Variants in SLC25A26 observed in about 807,000 individuals in gnomAD.
The protein encoded by SLC25A26 is mitochondrial S-adenosylmethionine carrier protein.
In SLC25A26, 36 loss-of-function variants were observed where a neutral mutation model predicts 37.8. The observed-to-expected ratio is 0.95, with a 90% CI of 0.73 to 1.26. The LOEUF is 1.26. Among genes scored for constraint, SLC25A26 ranks in the 50% most tolerant of loss-of-function variants. The probability of loss-of-function intolerance (pLI) is 0.00; values close to 1 mark genes in which losing one functional copy is unlikely to be tolerated. For missense variants in SLC25A26, 390 were observed against 331.1 expected, an observed-to-expected ratio of 1.18 and a Z score of -1.38; for synonymous variants, 129 against 122.5, an observed-to-expected ratio of 1.05 and a Z score of -0.35.
At chr3:66,282,755 G>C (rs1019897504) in intron 5 of SLC25A26, among the ~76,000 whole-genome samples, 1 of 152,120 alleles carries the variant, frequency 6.6e-6, no homozygotes, top group Admixed American at 6.5e-5. Flanking sequence ...TGTGAATTCA[G>C]CGTACGTATA....
At chr3:66,148,829 A>G (rs1329032059) in intron 1 of SLC25A26, among the ~76,000 whole-genome samples, 1 of 152,154 alleles carries the variant, frequency 6.6e-6, no homozygotes, top group Non-Finnish European at 1.5e-5. Context: ...AAGTGTTAGG[A>G]TTACAAGCAT....
chr3:66,319,025 C>G (rs969945811), intron 5 of SLC25A26, among the ~76,000 whole-genome samples: 13 of 152,182 alleles, frequency 8.5e-5, no homozygotes, highest in African/African-American at 3.1e-4. Flanking sequence ...CCAACTTTCA[C>G]TTGACACTGA....
intron 1 of SLC25A26, among the ~76,000 whole-genome samples, chr3:66,147,169 T>G (rs1182934221): frequency 7.0e-6 from 1 of 142,466 alleles, no homozygotes; most frequent in African/African-American, 2.6e-5. Context: ...TTCTTTTCTC[T>G]TTTCTTTTTT....
chr3:66,195,778 C>T (rs2071036109), intron 1 of SLC25A26, among the ~76,000 whole-genome samples: 1 of 152,220 alleles, frequency 6.6e-6, no homozygotes, highest in Non-Finnish European at 1.5e-5. Flanking sequence ...ATGCAAAAAG[C>T]ATTGAGAATT....
intron 1 of SLC25A26, among the ~76,000 whole-genome samples, chr3:66,228,480 A>G (rs142302069): frequency 0.052 from 7,948 of 152,274 alleles, 292 homozygotes; most frequent in Admixed American, 0.086. Flanking sequence ...ATTCCAAATA[A>G]AGGAAAGATA....
chr3:66,168,153 CAAAA>C (rs1238897849), intron 1 of SLC25A26, among the ~76,000 whole-genome samples: 6 of 53,442 alleles, frequency 1.1e-4, no homozygotes, highest in African/African-American at 3.2e-4. Flanking sequence ...AACTCAGTCT[CAAAA>C]AAAATATATA....
chr3:66,138,333 C>G (rs2069979274), intron 1 of SLC25A26, among the ~76,000 whole-genome samples: 1 of 152,096 alleles, frequency 6.6e-6, no homozygotes, highest in Non-Finnish European at 1.5e-5. Context: ...ATCTCACCCC[C>G]CTTCAGACAC....
chr3:66,209,347 G>GTA lies in SLC25A26; in HGVS notation c.-353-11387_-353-11386dup, dbSNP rs1369496517. On this transcript the variant is annotated intron_variant, in intron 1 of 10. Transcript: ENST00000676754. Reference sequence around the variant, plus strand: ...TCTATATGTATGTATATATACATATGTATATATATCTGTATGTATATATAT... The same window carrying GTA: ...TCTATATGTATGTATATATACATATGTATATATATATCTGTATGTATATATAT... 5.9e-3 allele frequency among the ~76,000 whole-genome samples: 802 copies of GTA among 135,074 alleles called. 8 individuals are homozygous for GTA. The highest frequency in any genetic ancestry group is 0.021 in the African/African-American group (775 of 37,290). 88.6% of individuals were successfully genotyped at this position (135,074 alleles called of 152,430 possible).
intron 1 of SLC25A26, among the ~76,000 whole-genome samples, chr3:66,184,404 T>C (rs967401293): frequency 4.0e-5 from 6 of 151,788 alleles, no homozygotes; most frequent in African/African-American, 1.5e-4. Context: ...TGGTCTTAAA[T>C]TCATCCTCAC....
intron 1 of SLC25A26, among the ~76,000 whole-genome samples, chr3:66,138,227 A>G (rs774322450): frequency 4.9e-4 from 74 of 152,126 alleles, no homozygotes; most frequent in Admixed American, 1.1e-3. Flanking sequence ...TATTTTTCCT[A>G]TGGTGATCAA....
intron 5 of SLC25A26, among the ~76,000 whole-genome samples, chr3:66,295,176 G>T (rs1485699432): frequency 1.3e-5 from 2 of 152,082 alleles, no homozygotes; most frequent in African/African-American, 4.8e-5. Flanking sequence ...GCATTATTCA[G>T]TATATATGAT....
chr3:66,134,213 C>CA (rs2069913088), intron 1 of SLC25A26, among the ~76,000 whole-genome samples: 1 of 152,190 alleles, frequency 6.6e-6, no homozygotes, highest in South Asian at 2.1e-4. Context: ...TAACCTTTGA[C>CA]ACTTTATTAC....
chr3:66,230,425 AG>A (rs1167716635), intron 1 of SLC25A26, among the ~76,000 whole-genome samples: 1 of 151,988 alleles, frequency 6.6e-6, no homozygotes. Flanking sequence ...GGATTTTGTC[AG>A]GGGTGTGTGT....
At chr3:66,301,195 T>C (rs2075066434) in intron 5 of SLC25A26, among the ~76,000 whole-genome samples, 2 of 152,202 alleles carry the variant, frequency 1.3e-5, no homozygotes, top group South Asian at 4.1e-4. Flanking sequence ...AAATTGCCAG[T>C]TTCCCTGAAT....
intron 5 of SLC25A26, among the ~76,000 whole-genome samples, chr3:66,330,481 A>G (rs1160141695): frequency 3.9e-5 from 6 of 152,122 alleles, no homozygotes; most frequent in Non-Finnish European, 8.8e-5. Flanking sequence ...TATATATAAA[A>G]TATATTTCAT....
At chr3:66,225,591 A>G (rs1285812446) in intron 1 of SLC25A26, among the ~76,000 whole-genome samples, 1 of 152,204 alleles carries the variant, frequency 6.6e-6, no homozygotes, top group African/African-American at 2.4e-5. Flanking sequence ...CTTGTCAGTT[A>G]ACATTTGACT....
chr3:66,223,898 G>A (rs917727226), intron 1 of SLC25A26, among the ~76,000 whole-genome samples: 1 of 152,188 alleles, frequency 6.6e-6, no homozygotes, highest in African/African-American at 2.4e-5. Flanking sequence ...CTATGTATTA[G>A]CAACCTAAAG....
At chr3:66,370,434 G>C in intron 8 of SLC25A26, 95 bp from the exon 9 acceptor site, 2 of 979,220 alleles carry the variant, frequency 2.0e-6, no homozygotes, top group African/African-American at 1.6e-5. Context: ...CTAGATGAGG[G>C]TGACGGGGAG....
chr3:66,212,858 T>A (rs1190611004), intron 1 of SLC25A26, among the ~76,000 whole-genome samples: 3 of 152,242 alleles, frequency 2.0e-5, no homozygotes. Context: ...ACCATATGTA[T>A]AAATGTACAT....
Sources: gnomAD v4.1 joint callset for allele counts (sites outside exome capture counted in the v4.1 genomes callset) on GRCh38, gnomAD v4.1.1 for gene constraint, MANE v1.5 for transcripts, NCBI Gene and HGNC (gene_info 2026-07-23, HGNC 2026-07-21) for gene names.